Variants in TENM4 observed in about 807,000 individuals in gnomAD.
TENM4 encodes the protein teneurin transmembrane protein 4, also known as teneurin-4.
TENM4 carries 82 observed loss-of-function variants against 243.3 expected under a neutral mutation model. The ratio of observed to expected loss-of-function variants is 0.34; its 90% CI spans 0.28 to 0.40. The LOEUF (loss-of-function observed/expected upper bound fraction) is 0.40, where lower values mean the gene tolerates loss of function less well. Ranked by LOEUF, TENM4 falls within the 10% of genes least tolerant of loss-of-function variation. The pLI, the probability that TENM4 is intolerant of heterozygous loss-of-function variation, is 1.00. For synonymous variants in TENM4, 1,412 were observed against 1,456.3 expected (o/e 0.97, Z 0.69); for missense variants, 3,138 against 3,673.3 (o/e 0.85, Z 3.77).
intron 2 of TENM4, among the ~76,000 whole-genome samples, chr11:79,280,122 G>T (rs1856131488): frequency 6.6e-6 from 1 of 152,186 alleles, no homozygotes; most frequent in South Asian, 2.1e-4. Flanking sequence ...CCAGTCTCTA[G>T]AACTGTGAGA....
chr11:79,155,460 T>C (rs1327556240), intron 3 of TENM4, among the ~76,000 whole-genome samples: 2 of 151,988 alleles, frequency 1.3e-5, no homozygotes, highest in Non-Finnish European at 2.9e-5. Context: ...TTTTTAAGAA[T>C]GCCATTTCCT....
At chr11:78,785,131 C>T (rs1856909855) in intron 16 of TENM4, among the ~76,000 whole-genome samples, 1 of 150,464 alleles carries the variant, frequency 6.6e-6, no homozygotes, top group Non-Finnish European at 1.5e-5. Context: ...GTTGGTTCAT[C>T]CTCAGTCATG....
At chr11:79,046,690 C>T (rs1006110123) in intron 6 of TENM4, among the ~76,000 whole-genome samples, 1 of 152,068 alleles carries the variant, frequency 6.6e-6, no homozygotes, top group African/African-American at 2.4e-5. Context: ...AGCTGCAAGC[C>T]AGGGAATACC....
intron 27 of TENM4, 52 bp downstream of exon 27, chr11:78,708,309 A>T: frequency 6.2e-7 from 1 of 1,605,820 alleles, no homozygotes; most frequent in South Asian, 1.1e-5. Context: ...TGGGTGGCAG[A>T]TGAGAGGATG....
intron 4 of TENM4, among the ~76,000 whole-genome samples, chr11:79,139,123 A>C (rs1591309891): frequency 1.5e-5 from 1 of 68,366 alleles, no homozygotes; most frequent in Non-Finnish European, 2.3e-5. Flanking sequence ...TATTTCTATA[A>C]ATATATATTA....
chr11:79,427,466 G>A (rs1018425711), intron 1 of TENM4, among the ~76,000 whole-genome samples: 1 of 152,170 alleles, frequency 6.6e-6, no homozygotes, highest in Non-Finnish European at 1.5e-5. Flanking sequence ...ACGGGGAAAC[G>A]ATCGTGATAG....
chr11:79,379,061 T>C (rs527660879), intron 1 of TENM4, among the ~76,000 whole-genome samples: 2 of 152,012 alleles, frequency 1.3e-5, no homozygotes, highest in South Asian at 4.2e-4. Flanking sequence ...AATAAGACAA[T>C]GAGAGTGTGA....
chr11:79,155,432 C>T (rs1355792859), intron 3 of TENM4, among the ~76,000 whole-genome samples: 2 of 151,152 alleles, frequency 1.3e-5, no homozygotes, highest in Non-Finnish European at 2.9e-5. Context: ...CATAGAACAA[C>T]AGACAGGTTA....
chr11:79,161,996 G>C (rs1862756257), intron 3 of TENM4, among the ~76,000 whole-genome samples: 1 of 152,186 alleles, frequency 6.6e-6, no homozygotes, highest in Admixed American at 6.5e-5. Flanking sequence ...TGGGTTGGTG[G>C]GTGTGGGAGA....
chr11:78,696,165 G>T (rs1446038761), intron 28 of TENM4, among the ~76,000 whole-genome samples: 1 of 152,054 alleles, frequency 6.6e-6, no homozygotes, highest in African/African-American at 2.4e-5. Context: ...GTCCTCCAGA[G>T]AGAGCAGCCC....
intron 5 of TENM4, 111 bp from the exon 6 acceptor site, chr11:79,065,118 T>C (rs1319002971): frequency 1.1e-5 from 15 of 1,396,400 alleles, no homozygotes; most frequent in Non-Finnish European, 1.4e-5. Flanking sequence ...TCTTTGAACT[T>C]GCTGTGGCAT....
At chr11:78,824,505 T>TTC (rs1191192615) in intron 12 of TENM4, among the ~76,000 whole-genome samples, 1 of 146,860 alleles carries the variant, frequency 6.8e-6, no homozygotes, top group Non-Finnish European at 1.5e-5. Flanking sequence ...CTTTCTTTCT[T>TTC]TTTTTTTTTT....
Position 78,931,920 on chromosome 11 carries a change from G to A in TENM4, c.494-28397C>T, listed in dbSNP as rs141350014. Reference sequence around the variant, plus strand: ...AGGCAGGAGGCTCACTTGAGCCTACGAATTTGAGGCTGCAGTGAGCCATGA... The same window carrying A: ...AGGCAGGAGGCTCACTTGAGCCTACAAATTTGAGGCTGCAGTGAGCCATGA... On this transcript the variant is annotated intron_variant, in intron 6 of 33. Transcript: ENST00000278550. Among the ~76,000 whole-genome samples, 15 of 152,272 alleles carry A rather than the reference G, an allele frequency of 9.9e-5. No homozygotes were observed. The East Asian group carries it at 2.3e-3, about 24-fold the overall frequency.
chr11:79,157,310 T>C (rs1862643254), intron 3 of TENM4, among the ~76,000 whole-genome samples: 1 of 152,212 alleles, frequency 6.6e-6, no homozygotes, highest in Non-Finnish European at 1.5e-5. Context: ...ATTCCCTTCA[T>C]ACAGGTCTTT....
At chr11:78,796,185 T>C (rs1456306752) in intron 15 of TENM4, among the ~76,000 whole-genome samples, 1 of 152,126 alleles carries the variant, frequency 6.6e-6, no homozygotes, top group Non-Finnish European at 1.5e-5. Context: ...ACAAAGCACC[T>C]ACCACAGGAA....
At chr11:79,005,912 T>A (rs1232686417) in intron 6 of TENM4, among the ~76,000 whole-genome samples, 1 of 152,176 alleles carries the variant, frequency 6.6e-6, no homozygotes, top group Non-Finnish European at 1.5e-5. Flanking sequence ...GGATACAAAA[T>A]CAGTGTACAA....
At chr11:78,716,310 T>C (rs1252058217) in intron 25 of TENM4, among the ~76,000 whole-genome samples, 1 of 152,152 alleles carries the variant, frequency 6.6e-6, no homozygotes, top group Non-Finnish European at 1.5e-5. Context: ...CCCCTCTTCT[T>C]CCCCACTGGT....
intron 7 of TENM4, among the ~76,000 whole-genome samples, chr11:78,892,426 G>A (rs1184775312): frequency 3.9e-5 from 6 of 152,188 alleles, no homozygotes; most frequent in South Asian, 2.1e-4. Context: ...TTCTGACTTC[G>A]ACCAGGTCTT....
At chr11:78,711,153 C>T (rs1315639953) in intron 26 of TENM4, among the ~76,000 whole-genome samples, 6 of 152,084 alleles carry the variant, frequency 3.9e-5, no homozygotes, top group East Asian at 1.9e-4. Context: ...CATAATTAGG[C>T]GGGATTAGCC....
Sources: allele counts gnomAD v4.1 joint callset (sites outside exome capture counted in the v4.1 genomes callset), GRCh38; gene constraint gnomAD v4.1.1; transcripts MANE v1.5; gene names NCBI Gene and HGNC (gene_info 2026-07-23, HGNC 2026-07-21).